The following IRAK1BP1 variants were observed in gnomAD, a reference collection of about 807,000 sequenced individuals.
IRAK1BP1 encodes interleukin 1 receptor associated kinase 1 binding protein 1.
IRAK1BP1 carries 24 observed loss-of-function variants against 28.0 expected under a neutral mutation model. The observed-to-expected ratio is 0.86, with a 90% confidence interval of 0.62 to 1.20. IRAK1BP1 has a LOEUF of 1.20. Ranked by LOEUF, IRAK1BP1 falls within the 50% of genes most tolerant of loss-of-function variation. The pLI is 0.00. For missense variants in IRAK1BP1, 336 were observed against 316.7 expected (o/e 1.06, Z -0.46); for synonymous variants, 131 against 116.3 (o/e 1.13, Z -0.81).
At chr6:78,871,474 C>T in intron 1 of IRAK1BP1, 1 of 985,542 alleles carries the variant, frequency 1.0e-6, no homozygotes, top group Non-Finnish European at 1.2e-6. Flanking sequence ...CACCATGACA[C>T]CCAGTAGGAG....
At chr6:78,881,905 CAGG>C (rs1193048310) in intron 1 of IRAK1BP1, among the ~76,000 whole-genome samples, 1 of 151,934 alleles carries the variant, frequency 6.6e-6, no homozygotes, top group Non-Finnish European at 1.5e-5. Flanking sequence ...TTCTGTGATT[CAGG>C]ATTAGAGTTG....
At position 78,902,882 on chromosome 6, in the gene IRAK1BP1, T is replaced by A. The variant is rs1772153618; in HGVS notation, c.*4548T>A. On this transcript the variant is annotated 3_prime_UTR_variant, in exon 4 of 4. Transcript: ENST00000369940. ...GTGGGTAATTCAAATCAGACACTGC[T>A]CTTCAAGAGAGGTAATATTAATAGA... is the stretch of plus-strand genomic sequence containing the variant. The A allele has an allele frequency of 1.6e-6, 1 of 634,548 alleles. No individual in the cohort carries two copies. Among genetic ancestry groups the A allele is most frequent in the Non-Finnish European group, 2.7e-6 (1 of 365,692 alleles). The allele number at this position is 634,548 out of a possible 1,614,324, so 39.3% of individuals were successfully genotyped here.
chr6:78,887,546 A>G (rs1212080418), intron 2 of IRAK1BP1, among the ~76,000 whole-genome samples: 2 of 152,028 alleles, frequency 1.3e-5, no homozygotes, highest in African/African-American at 4.8e-5. Flanking sequence ...GGCGCCTGTA[A>G]TCACAGCTAC....
intron 1 of IRAK1BP1, among the ~76,000 whole-genome samples, chr6:78,882,544 A>G (rs921442704): frequency 6.6e-6 from 1 of 152,172 alleles, no homozygotes; most frequent in African/African-American, 2.4e-5. Context: ...TTTCACCTCT[A>G]TGGTATTCTT....
the IRAK1BP1 span, among the ~76,000 whole-genome samples, chr6:78,967,978 C>CA: frequency 4.1e-3 from 611 of 147,412 alleles, 4 homozygotes; most frequent in South Asian, 0.032. Flanking sequence ...ACTAAAAATA[C>CA]AAAAAAAAAA....
At chr6:78,918,715 C>A (rs539271707) in intron 4 of IRAK1BP1, among the ~76,000 whole-genome samples, 28 of 151,656 alleles carry the variant, frequency 1.8e-4, no homozygotes, top group Non-Finnish European at 5.9e-5. Flanking sequence ...ACAAATACTT[C>A]TAGACCTATA....
intron 4 of IRAK1BP1, among the ~76,000 whole-genome samples, chr6:78,908,297 C>T (rs938800080): frequency 8.5e-5 from 13 of 152,096 alleles, no homozygotes; most frequent in Admixed American, 3.3e-4. Context: ...GTGATCCACC[C>T]GCCTCAGCAT....
intron 1 of IRAK1BP1, among the ~76,000 whole-genome samples, chr6:78,875,830 A>C (rs1770982615): frequency 6.6e-6 from 1 of 152,202 alleles, no homozygotes; most frequent in Non-Finnish European, 1.5e-5. Context: ...GTACCCATGT[A>C]ACAAACATGC....
intron 4 of IRAK1BP1, chr6:78,935,808 C>CT (rs1562105564): frequency 1.1e-6 from 1 of 930,070 alleles, no homozygotes; most frequent in East Asian, 1.2e-4. Flanking sequence ...GTACTAAGTG[C>CT]TTTATGTGAT....
intron 4 of IRAK1BP1, among the ~76,000 whole-genome samples, chr6:78,933,793 T>A (rs1773153046): frequency 6.6e-6 from 1 of 152,022 alleles, no homozygotes. Context: ...TGATCTTCTA[T>A]CCAGACCACT....
chr6:78,955,219 A>T, the IRAK1BP1 span: 2 of 1,581,814 alleles, frequency 1.3e-6, no homozygotes, highest in Non-Finnish European at 1.7e-6. Context: ...TGCTAAAACT[A>T]AAACTATATT....
rs538576852 is a variant in IRAK1BP1, at chr6:78,919,800, C to G, written c.*67+16690C>G. 6.4e-4 allele frequency among the ~76,000 whole-genome samples: 97 copies of G among 152,164 alleles called. 1 individual carries two copies. In the South Asian group the frequency reaches 8.1e-3, roughly 13 times the overall value. Reference sequence around the variant, plus strand: ...TCTACTGAAACTATTCCAAAAAAATCAAGGAGGAGGGACTCCTCCCTGACT... The same window carrying G: ...TCTACTGAAACTATTCCAAAAAAATGAAGGAGGAGGGACTCCTCCCTGACT... On this transcript the variant is annotated intron_variant and NMD_transcript_variant, in intron 4 of 4. Transcript: ENST00000606868.
chr6:78,969,876 C>G, the IRAK1BP1 span: 1 of 1,599,138 alleles, frequency 6.3e-7, no homozygotes. Flanking sequence ...AAATTGTTGT[C>G]TCAAGACTAG....
the IRAK1BP1 span, among the ~76,000 whole-genome samples, chr6:78,954,326 T>G: frequency 2.2e-4 from 34 of 151,948 alleles, no homozygotes; most frequent in Non-Finnish European, 2.8e-4. Context: ...CAGGATGGTC[T>G]CGATCTCCTG....
At chr6:78,945,437 G>A in exon 5 of IRAK1BP1, 1 of 1,611,328 alleles carries the variant, frequency 6.2e-7, no homozygotes, top group Non-Finnish European at 8.5e-7. Context: ...ACTAAAACTG[G>A]ATTGACCAGG....
At chr6:78,938,332 C>G (rs1049651199) in intron 4 of IRAK1BP1, 86 of 151,556 alleles carry the variant, frequency 5.7e-4, no homozygotes, top group African/African-American at 1.6e-3. Context: ...GGTAAATACT[C>G]ATTTCTTTGC....
the IRAK1BP1 span, among the ~76,000 whole-genome samples, chr6:78,979,220 G>A: frequency 6.6e-6 from 1 of 152,010 alleles, no homozygotes; most frequent in Non-Finnish European, 1.5e-5. Context: ...TGGCAGCAGT[G>A]GCAACAGAGT....
rs1219805310 is a variant in IRAK1BP1 at position 78,902,021 on chromosome 6, G to T, written c.*3687G>T. 6.6e-6 allele frequency: 1 copy of T among 152,112 alleles called. No homozygotes were observed. Among genetic ancestry groups the T allele is most frequent in the Non-Finnish European group, 1.5e-5 (1 of 68,020 alleles). The allele number at this position is 152,112 out of a possible 1,614,324, so 9.4% of individuals were successfully genotyped here. A position where few individuals can be genotyped will look rare whatever the true frequency, so the allele number is the denominator to read the frequency against. ...TGTGGGAGTTACTATATGATTATCT[G>T]CATTACAAAATGAAAGCAAATGCTT... On this transcript the variant is annotated 3_prime_UTR_variant, in exon 4 of 4. Coordinates refer to ENST00000369940, the MANE Select transcript of IRAK1BP1 (RefSeq NM_001010844.4).
At chr6:78,956,099 A>G in the IRAK1BP1 span, 2 of 152,520 alleles carry the variant, frequency 1.3e-5, no homozygotes, top group African/African-American at 4.8e-5. Flanking sequence ...GTGTAAATGA[A>G]TTCCAAAATT....
Sources: gnomAD v4.1 joint callset for allele counts (sites outside exome capture counted in the v4.1 genomes callset) on GRCh38, gnomAD v4.1.1 for gene constraint, MANE v1.5 for transcripts, NCBI Gene and HGNC (gene_info 2026-07-23, HGNC 2026-07-21) for gene names.